Variants in TRPS1 observed in about 807,000 individuals in gnomAD.
TRPS1 encodes the protein transcriptional repressor GATA binding 1.
A neutral mutation model predicts 101.2 loss-of-function variants in TRPS1; 6 were observed. The observed-to-expected ratio is 0.06, with a 90% confidence interval of 0.03 to 0.12. The LOEUF is 0.12. Among genes scored for constraint, TRPS1 ranks in the 10% least tolerant of loss-of-function variants. TRPS1 has a pLI of 1.00. For synonymous variants in TRPS1, 578 were observed against 589.8 expected, an observed-to-expected ratio of 0.98 and a Z score of 0.29; for missense variants, 1,363 against 1,567.0, an observed-to-expected ratio of 0.87 and a Z score of 2.20.
At chr8:115,438,240 T>G (rs1017075960) in intron 5 of TRPS1, among the ~76,000 whole-genome samples, 2 of 152,228 alleles carry the variant, frequency 1.3e-5, no homozygotes, top group Non-Finnish European at 2.9e-5. Context: ...ATTCTTTCAT[T>G]CATTTTAAAT....
At chr8:115,582,141 A>G (rs1223023836) in intron 5 of TRPS1, among the ~76,000 whole-genome samples, 3 of 152,214 alleles carry the variant, frequency 2.0e-5, no homozygotes, top group Non-Finnish European at 2.9e-5. Context: ...TCGGGTGAGA[A>G]AACAGTTATG....
intron 5 of TRPS1, among the ~76,000 whole-genome samples, chr8:115,477,838 T>C (rs1814644491): frequency 6.6e-6 from 1 of 152,042 alleles, no homozygotes; most frequent in Non-Finnish European, 1.5e-5. Context: ...CTCATGTCAA[T>C]AGCTAGATCC....
At chr8:115,483,805 A>AG (rs1265066015) in intron 5 of TRPS1, among the ~76,000 whole-genome samples, 1 of 152,212 alleles carries the variant, frequency 6.6e-6, no homozygotes, top group Non-Finnish European at 1.5e-5. Context: ...TTTGATCCGC[A>AG]GAATTGAACA....
intron 1 of TRPS1, among the ~76,000 whole-genome samples, chr8:115,648,788 G>C (rs898586458): frequency 6.6e-6 from 1 of 151,814 alleles, no homozygotes; most frequent in Admixed American, 6.5e-5. Context: ...TAACAGACAC[G>C]CTGGATAATA....
intron 5 of TRPS1, among the ~76,000 whole-genome samples, chr8:115,440,056 T>G (rs1367049113): frequency 6.6e-6 from 1 of 152,218 alleles, no homozygotes; most frequent in East Asian, 1.9e-4. Flanking sequence ...TTGCTGCAAT[T>G]TAGTTTAAAA....
At chr8:115,541,567 G>T (rs1816454999) in intron 5 of TRPS1, among the ~76,000 whole-genome samples, 1 of 152,090 alleles carries the variant, frequency 6.6e-6, no homozygotes, top group Non-Finnish European at 1.5e-5. Flanking sequence ...TAGGTTCAGA[G>T]GTCAAGCATT....
intron 5 of TRPS1, among the ~76,000 whole-genome samples, chr8:115,499,965 TTTCTTTTC>T (rs1465895766): frequency 1.6e-4 from 6 of 38,262 alleles, no homozygotes; most frequent in African/African-American, 6.4e-4. Context: ...CTTTCTTTCT[TTTCTTTTC>T]TTTTCTTTTC....
intron 5 of TRPS1, among the ~76,000 whole-genome samples, chr8:115,445,657 A>C (rs1451533461): frequency 6.6e-6 from 1 of 152,122 alleles, no homozygotes; most frequent in Non-Finnish European, 1.5e-5. Flanking sequence ...GAATTAAATG[A>C]CTCAATATAT....
Position 115,474,309 on chromosome 8 carries a change from A to G in TRPS1, c.2701-55857T>C, listed in dbSNP as rs530328437. On this transcript the variant is annotated intron_variant, in intron 5 of 6. Transcript: ENST00000395715. ...GTCAAGATCATAGTGTTAGAACCTC[A>G]GAAGTTTTGTTATTTAACTTTGTTT... Among the ~76,000 whole-genome samples the G allele has an allele frequency of 2.6e-5, 4 of 152,298 alleles. No individual in the cohort carries two copies. In the East Asian group the frequency reaches 5.8e-4, roughly 22 times the overall value.
At chr8:115,422,206 GA>G (rs34630241) in intron 5 of TRPS1, among the ~76,000 whole-genome samples, 12,346 of 148,620 alleles carry the variant, frequency 0.083, 559 homozygotes, top group Middle Eastern at 0.1. Context: ...GTTATTTTTA[GA>G]AAAAAAAAAT....
intron 4 of TRPS1, among the ~76,000 whole-genome samples, chr8:115,588,120 C>CA (rs1817609364): frequency 6.6e-6 from 1 of 152,196 alleles, no homozygotes; most frequent in South Asian, 2.1e-4. Context: ...AGATACACTT[C>CA]AATTTCTAAT....
chr8:115,471,014 G>A (rs79949915), intron 5 of TRPS1, among the ~76,000 whole-genome samples: 1,995 of 152,292 alleles, frequency 0.013, 43 homozygotes, highest in African/African-American at 0.046. Flanking sequence ...ATCACGTAAA[G>A]ATGGAGCTGA....
In TRPS1 at chr8:115,551,787, C is replaced by T. The variant is rs187036025; in HGVS notation, c.2700+35214G>A. 1.1e-3 allele frequency among the ~76,000 whole-genome samples: 169 copies of T among 152,124 alleles called. 3 individuals are homozygous for T. Among genetic ancestry groups the T allele is most frequent in the South Asian group, 8.7e-3 (42 of 4,816 alleles). ...ATTGGAATAAAATTATGTTCAAAGG[C>T]GGAAGTAAAATGCATTTTATAATCT... On this transcript the variant is annotated intron_variant, in intron 5 of 6. Transcript: ENST00000395715.
intron 5 of TRPS1, among the ~76,000 whole-genome samples, chr8:115,548,061 C>A (rs1460950709): frequency 6.7e-6 from 1 of 150,338 alleles, no homozygotes; most frequent in Non-Finnish European, 1.5e-5. Flanking sequence ...GAAACACCAT[C>A]TCTACATAAA....
chr8:115,544,471 T>C (rs1323499112), intron 5 of TRPS1, among the ~76,000 whole-genome samples: 2 of 151,996 alleles, frequency 1.3e-5, no homozygotes, highest in Non-Finnish European at 2.9e-5. Flanking sequence ...AGGATGTTGC[T>C]AGAGCTATAC....
At chr8:115,639,484 G>T (rs912711402) in intron 1 of TRPS1, among the ~76,000 whole-genome samples, 1 of 152,050 alleles carries the variant, frequency 6.6e-6, no homozygotes, top group Non-Finnish European at 1.5e-5. Flanking sequence ...TGACTCTTAT[G>T]CTTTAAGATC....
At chr8:115,461,256 G>C (rs574697522) in intron 5 of TRPS1, among the ~76,000 whole-genome samples, 1 of 67,098 alleles carries the variant, frequency 1.5e-5, no homozygotes, top group Non-Finnish European at 4.8e-5. Flanking sequence ...GACAAGGATA[G>C]ATAGATAGAT....
chr8:115,475,266 T>TTATTTATATA (rs1814571921), intron 5 of TRPS1, among the ~76,000 whole-genome samples: 1 of 124,004 alleles, frequency 8.1e-6, no homozygotes, highest in Non-Finnish European at 1.6e-5. Context: ...TGAATCACAG[T>TTATTTATATA]TATATATATA....
chr8:115,554,614 C>A (rs1816775644), intron 5 of TRPS1, among the ~76,000 whole-genome samples: 1 of 152,170 alleles, frequency 6.6e-6, no homozygotes, highest in Admixed American at 6.5e-5. Context: ...ATGAGGATTG[C>A]ACCGCAGTTT....
Sources: allele counts gnomAD v4.1 joint callset (sites outside exome capture counted in the v4.1 genomes callset), GRCh38; gene constraint gnomAD v4.1.1; transcripts MANE v1.5; gene names NCBI Gene and HGNC (gene_info 2026-07-23, HGNC 2026-07-21).